ERICH5: variants seen among roughly 807,000 people sequenced by gnomAD.
ERICH5 encodes glutamate rich 5.
In ERICH5, 24 loss-of-function variants were observed where a neutral mutation model predicts 28.0. The observed-to-expected ratio is 0.86, with a 90% CI of 0.62 to 1.21. ERICH5 has a LOEUF of 1.21. ERICH5 is among the 50% of genes most tolerant of loss of function. The probability of loss-of-function intolerance (pLI) is 0.00; values close to 1 mark genes in which losing one functional copy is unlikely to be tolerated. For missense variants in ERICH5, 421 were observed against 441.2 expected, an observed-to-expected ratio of 0.95 and a Z score of 0.41; for synonymous variants, 163 against 157.6, an observed-to-expected ratio of 1.03 and a Z score of -0.25.
intron 1 of ERICH5, among the ~76,000 whole-genome samples, chr8:98,067,729 C>T (rs1210392475): frequency 1.3e-5 from 2 of 151,618 alleles, no homozygotes; most frequent in Middle Eastern, 3.2e-3. Context: ...GATTCTACTG[C>T]CTCAGCTTCC....
At chr8:98,092,880 AT>A (rs1337882655) in intron 2 of ERICH5, among the ~76,000 whole-genome samples, 1 of 149,054 alleles carries the variant, frequency 6.7e-6, no homozygotes, top group East Asian at 2.0e-4. Context: ...GCTTCAAGTG[AT>A]TCTCTTGCCT....
chr8:98,088,492 G>T (rs1815319940), intron 1 of ERICH5, among the ~76,000 whole-genome samples: 1 of 152,122 alleles, frequency 6.6e-6, no homozygotes, highest in Non-Finnish European at 1.5e-5. Context: ...TGAAACTCAG[G>T]CTGAACTGTC....
At chr8:98,070,904 T>G (rs1814906088) in intron 1 of ERICH5, among the ~76,000 whole-genome samples, 1 of 151,944 alleles carries the variant, frequency 6.6e-6, no homozygotes, top group African/African-American at 2.4e-5. Flanking sequence ...GGGTTGTGTA[T>G]AGAGCCTCCT....
intron 1 of ERICH5, among the ~76,000 whole-genome samples, chr8:98,084,263 CT>C (rs1239536546): frequency 6.6e-6 from 1 of 152,146 alleles, no homozygotes; most frequent in African/African-American, 2.4e-5. Flanking sequence ...TTTTCAGCCC[CT>C]GAACTGTCAT....
chr8:98,084,239 C>A (rs1159251321), intron 1 of ERICH5, among the ~76,000 whole-genome samples: 1 of 151,692 alleles, frequency 6.6e-6, no homozygotes, highest in East Asian at 1.9e-4. Context: ...TTCTCTAGAC[C>A]CTCCCTGTCG....
Position 98,067,404 on chromosome 8 carries a change from A to C in ERICH5, c.58+2677A>C, listed in dbSNP as rs1814837243. The stretch of plus-strand genomic sequence containing the variant: ...GCCCAGGAGTTCAAGGCTGCAGTGA[A>C]GTATGATTGAGCCATTGCACTTCAG... On this transcript the variant is annotated intron_variant, in intron 1 of 2. Transcript: ENST00000318528. Among the ~76,000 whole-genome samples the C allele has an allele frequency of 2.0e-5, 3 of 151,852 alleles. No individual in the cohort carries two copies. The South Asian group carries it at 6.3e-4, about 32-fold the overall frequency.
rs2130501693 is a variant in ERICH5 at position 98,064,864 on chromosome 8, A to G, written c.58+137A>G. ...CCTTGTCCCGGAGGATGCGAGCAGAACCCGGGACAAAGCGCGATTTCCTTC... is the reference window on the plus strand; with the variant it reads ...CCTTGTCCCGGAGGATGCGAGCAGAGCCCGGGACAAAGCGCGATTTCCTTC... On this transcript the variant is annotated intron_variant, in intron 1 of 2. Coordinates refer to ENST00000318528, the MANE Select transcript of ERICH5 (RefSeq NM_173549.3). 3 of 625,238 alleles carry G rather than the reference A, an allele frequency of 4.8e-6. No homozygotes were observed. The East Asian group carries it at 9.7e-5, about 20-fold the overall frequency. The allele number at this position is 625,238 out of a possible 1,614,324, so 38.7% of individuals were successfully genotyped here.
At chr8:98,067,907 A>G (rs1814848599) in intron 1 of ERICH5, among the ~76,000 whole-genome samples, 1 of 152,088 alleles carries the variant, frequency 6.6e-6, no homozygotes, top group Non-Finnish European at 1.5e-5. Flanking sequence ...CGTGGCCTAT[A>G]CTATATATAT....
rs1444784151 is a variant in ERICH5, at chr8:98,089,444, C to G, written c.427C>G (p.Leu143Val). Residue 143 changes from leucine (L) to valine (V), a missense_variant, in exon 2 of 3, where the codon CTA becomes GTA. Transcript: ENST00000318528. ...AGGAGCAGGGACAGAGGCCGAGTCTCTAAAAGGAAATGCTGAAGCTCAGCC... is the reference window on the plus strand; with the variant it reads ...AGGAGCAGGGACAGAGGCCGAGTCTGTAAAAGGAAATGCTGAAGCTCAGCC... Reference protein sequence around the residue: ...DAGAGTEAESLKGNAEAQPLG... With the variant: ...DAGAGTEAESVKGNAEAQPLG... 1 of 1,614,048 alleles carries G rather than the reference C, an allele frequency of 6.2e-7. No homozygotes were observed.
chr8:98,073,663 G>A (rs926470476), intron 1 of ERICH5, among the ~76,000 whole-genome samples: 13 of 146,830 alleles, frequency 8.9e-5, no homozygotes, highest in African/African-American at 2.0e-4. Flanking sequence ...CTGCATCACC[G>A]TCCGGAGTAG....
rs1814966766 is a variant in ERICH5 at position 98,073,450 on chromosome 8, AT to A, written c.58+8724del. On this transcript the variant is annotated intron_variant, in intron 1 of 2. Transcript: ENST00000318528. ...TCTCTCTCTATATATATATATATATATATATATATGTATATATATATATATA... is the reference window on the plus strand; with the variant it reads ...TCTCTCTCTATATATATATATATATAATATATATGTATATATATATATATA... Among the ~76,000 whole-genome samples, 4 of 14,000 alleles carry A rather than the reference AT, an allele frequency of 2.9e-4. 1 individual carries two copies. The highest frequency in any genetic ancestry group is 1.9e-3 in the African/African-American group (4 of 2,098). The allele number at this position is 14,000 out of a possible 152,430, so 9.2% of individuals were successfully genotyped here. A position where few individuals can be genotyped will look rare whatever the true frequency, so the allele number is the denominator to read the frequency against.
chr8:98,093,442 G>C lies in ERICH5; in HGVS notation c.*109G>C. ...TACATTTACATGTTTTCTGTAAGGA[G>C]TGTGGTTATAGAGAGACTGTTGGAA... On this transcript the variant is annotated 3_prime_UTR_variant, in exon 3 of 3. Transcript: ENST00000318528. 1.4e-6 allele frequency: 1 copy of C among 715,158 alleles called. No homozygotes were observed. The highest frequency in any genetic ancestry group is 2.3e-6 in the Non-Finnish European group (1 of 428,720). The allele number at this position is 715,158 out of a possible 1,614,324, so 44.3% of individuals were successfully genotyped here. A position where few individuals can be genotyped will look rare whatever the true frequency, so the allele number is the denominator to read the frequency against.
chr8:98,091,051 C>A (rs1815374571), intron 2 of ERICH5, among the ~76,000 whole-genome samples: 1 of 152,188 alleles, frequency 6.6e-6, no homozygotes, highest in Non-Finnish European at 1.5e-5. Flanking sequence ...GATTCTCCCG[C>A]CTCAGCCTCC....
At chr8:98,092,178 TA>T (rs1815421934) in intron 2 of ERICH5, among the ~76,000 whole-genome samples, 1 of 151,638 alleles carries the variant, frequency 6.6e-6, no homozygotes, top group Non-Finnish European at 1.5e-5. Flanking sequence ...TTTTTTCTTT[TA>T]AAAAATTATT....
chr8:98,068,294 C>A (rs899104975), intron 1 of ERICH5, among the ~76,000 whole-genome samples: 10 of 152,340 alleles, frequency 6.6e-5, no homozygotes, highest in African/African-American at 2.4e-4. Flanking sequence ...TGCTTCCTAT[C>A]ACCTCCCAAG....
At position 98,078,029 on chromosome 8, in the gene ERICH5, A is replaced by AT. The variant is rs775381709; in HGVS notation, c.59-11040dup. ...ACTGATTTTTATTTACCCTCAAATC[A>AT]TTTTTTTGGTTGATAATTTTATATG... On this transcript the variant is annotated intron_variant, in intron 1 of 2. Coordinates refer to ENST00000318528, the MANE Select transcript of ERICH5 (RefSeq NM_173549.3). Among the ~76,000 whole-genome samples, 11 of 152,262 alleles carry AT rather than the reference A, an allele frequency of 7.2e-5. No homozygotes were observed. The East Asian group carries it at 7.7e-4, about 11-fold the overall frequency.
chr8:98,091,820 TTTTCTTTCTTTTTCTTTTTCTTTCTTTC>T (rs1563759336), intron 2 of ERICH5, among the ~76,000 whole-genome samples: 52 of 150,794 alleles, frequency 3.4e-4, no homozygotes, highest in Non-Finnish European at 5.5e-4. Flanking sequence ...TAGACTTTCT[TTTTCTTTCTTTTTCTTTTTCTTTCTTTC>T]TTTCTTTCTT....
Position 98,073,486 on chromosome 8 carries a change from G to A in ERICH5, c.58+8759G>A, listed in dbSNP as rs28670187. On this transcript the variant is annotated intron_variant, in intron 1 of 2. Transcript: ENST00000318528. The stretch of plus-strand genomic sequence containing the variant: ...TATATATATATATATATATATATAT[G>A]TATATATATATATATATATATATAT... 8.4e-3 allele frequency among the ~76,000 whole-genome samples: 33 copies of A among 3,942 alleles called. 1 individual carries two copies. Among genetic ancestry groups the A allele is most frequent in the South Asian group, 0.042 (1 of 24 alleles). The allele number at this position is 3,942 out of a possible 152,430, so 2.6% of individuals were successfully genotyped here. A position where few individuals can be genotyped will look rare whatever the true frequency, so the allele number is the denominator to read the frequency against.
chr8:98,079,546 T>A (rs1306380537), intron 1 of ERICH5, among the ~76,000 whole-genome samples: 1 of 152,116 alleles, frequency 6.6e-6, no homozygotes, highest in Non-Finnish European at 1.5e-5. Context: ...ATTTATGTAT[T>A]TATTTATTTT....
Sources: gnomAD v4.1 joint callset for allele counts (sites outside exome capture counted in the v4.1 genomes callset) on GRCh38, gnomAD v4.1.1 for gene constraint, MANE v1.5 for transcripts, NCBI Gene and HGNC (gene_info 2026-07-23, HGNC 2026-07-21) for gene names.